The following HDAC9 variants were observed in gnomAD, a reference collection of about 807,000 sequenced individuals.
HDAC9 encodes the protein histone deacetylase 9.
In HDAC9, 41 loss-of-function variants were observed where a neutral mutation model predicts 139.4. The observed-to-expected ratio is 0.29, with a 90% CI of 0.23 to 0.38. The LOEUF (loss-of-function observed/expected upper bound fraction) is 0.38. HDAC9 is among the 10% of genes least tolerant of loss of function. HDAC9 has a pLI of 1.00. For missense variants in HDAC9, 1,147 were observed against 1,297.0 expected, an observed-to-expected ratio of 0.88 and a Z score of 1.78; for synonymous variants, 517 against 476.2, an observed-to-expected ratio of 1.09 and a Z score of -1.12.
chr7:18,521,002 C>G (rs891930418), intron 2 of HDAC9, among the ~76,000 whole-genome samples: 1 of 152,176 alleles, frequency 6.6e-6, no homozygotes, highest in African/African-American at 2.4e-5. Context: ...GGCAGTCCTC[C>G]TCTAACAGGC....
chr7:18,478,409 A>C (rs1795293650), intron 1 of HDAC9, among the ~76,000 whole-genome samples: 1 of 152,186 alleles, frequency 6.6e-6, no homozygotes, highest in African/African-American at 2.4e-5. Context: ...TGCATTTTCT[A>C]ATTCTGTGCT....
intron 2 of HDAC9, among the ~76,000 whole-genome samples, chr7:18,584,537 C>T (rs1828864515): frequency 1.3e-5 from 2 of 152,188 alleles, no homozygotes; most frequent in African/African-American, 2.4e-5. Flanking sequence ...ATTCTCAGAT[C>T]ATCAAATCTT....
At chr7:18,396,368 G>A (rs896472713) in intron 1 of HDAC9, among the ~76,000 whole-genome samples, 1 of 152,088 alleles carries the variant, frequency 6.6e-6, no homozygotes, top group African/African-American at 2.4e-5. Context: ...GGTATTGGCA[G>A]GATGCTGTAG....
intron 16 of HDAC9, among the ~76,000 whole-genome samples, chr7:18,787,836 A>G (rs1304027351): frequency 6.6e-6 from 1 of 152,230 alleles, no homozygotes; most frequent in African/African-American, 2.4e-5. Flanking sequence ...TCTCCCAATT[A>G]TAGTGATCCT....
chr7:18,732,322 T>C (rs1786132544), intron 13 of HDAC9, among the ~76,000 whole-genome samples: 2 of 152,118 alleles, frequency 1.3e-5, no homozygotes, highest in African/African-American at 4.8e-5. Flanking sequence ...TCTATTAAAA[T>C]ATGTTTATAC....
chr7:18,336,996 A>G (rs1781633560), intron 1 of HDAC9, among the ~76,000 whole-genome samples: 1 of 151,646 alleles, frequency 6.6e-6, no homozygotes, highest in Admixed American at 6.6e-5. Flanking sequence ...CTAGAAACAT[A>G]ATTTTTAATG....
chr7:18,095,636 G>A (rs1261516610), intron 1 of HDAC9, among the ~76,000 whole-genome samples: 2 of 152,124 alleles, frequency 1.3e-5, no homozygotes, highest in African/African-American at 2.4e-5. Context: ...TACAGTATGA[G>A]TGTGTTTATT....
intron 23 of HDAC9, among the ~76,000 whole-genome samples, chr7:18,950,294 T>C (rs1782701580): frequency 6.6e-6 from 1 of 152,118 alleles, no homozygotes; most frequent in Non-Finnish European, 1.5e-5. Context: ...TATAGAAATA[T>C]CTGCCTGCAT....
At chr7:18,871,561 T>C (rs962149629) in intron 21 of HDAC9, among the ~76,000 whole-genome samples, 1 of 152,198 alleles carries the variant, frequency 6.6e-6, no homozygotes, top group African/African-American at 2.4e-5. Flanking sequence ...CAGTGGGATA[T>C]TGGAAAAGAT....
At chr7:18,758,697 C>T (rs1423399563) in intron 14 of HDAC9, among the ~76,000 whole-genome samples, 1 of 152,078 alleles carries the variant, frequency 6.6e-6, no homozygotes, top group South Asian at 2.1e-4. Flanking sequence ...GAATTTTCAG[C>T]TTAATCATCC....
At chr7:18,541,663 A>G (rs1813009654) in intron 2 of HDAC9, among the ~76,000 whole-genome samples, 1 of 152,160 alleles carries the variant, frequency 6.6e-6, no homozygotes, top group Non-Finnish European at 1.5e-5. Flanking sequence ...CAGAAACAGG[A>G]ATTCTATATC....
At position 18,115,260 on chromosome 7, in the gene HDAC9, T is replaced by C. The variant is rs983594074; in HGVS notation, c.-97+28047T>C. On this transcript the variant is annotated intron_variant, in intron 1 of 12. Transcript: ENST00000417496. ...GTGAGCAGAGATTGTGCCACTGCAC[T>C]CCAGCCTAGGTGACAGAGCGAGACT... is the stretch of plus-strand genomic sequence containing the variant. Among the ~76,000 whole-genome samples, 4 of 149,036 alleles carry C rather than the reference T, an allele frequency of 2.7e-5. No homozygotes were observed. The South Asian group carries it at 6.4e-4, about 24-fold the overall frequency.
intron 22 of HDAC9, among the ~76,000 whole-genome samples, chr7:18,875,333 A>G (rs187175779): frequency 6.6e-6 from 1 of 152,306 alleles, no homozygotes; most frequent in African/African-American, 2.4e-5. Flanking sequence ...AAAATAGAAG[A>G]AAAAAGTAAA....
chr7:18,793,823 A>G lies in HDAC9; in HGVS notation c.2322+371A>G, dbSNP rs542410581. Reference sequence around the variant, plus strand: ...AAAATATGATTACTGAGAAGTGTGTATAAGCTCAGAATACCACCCAGAGAG... The same window carrying G: ...AAAATATGATTACTGAGAAGTGTGTGTAAGCTCAGAATACCACCCAGAGAG... On this transcript the variant is annotated intron_variant, in intron 17 of 25. Coordinates refer to ENST00000686413, the MANE Select transcript of HDAC9 (RefSeq NM_178425.4). Among the ~76,000 whole-genome samples the G allele has an allele frequency of 1.8e-4, 28 of 152,316 alleles. No homozygotes were observed. In the South Asian group the frequency reaches 5.2e-3, roughly 28 times the overall value.
intron 1 of HDAC9, among the ~76,000 whole-genome samples, chr7:18,478,378 T>C (rs1186085517): frequency 6.6e-6 from 1 of 152,236 alleles, no homozygotes; most frequent in African/African-American, 2.4e-5. Flanking sequence ...GCCAAAATAC[T>C]GTACTTTTAA....
At chr7:18,522,881 A>G (rs979168264) in intron 2 of HDAC9, among the ~76,000 whole-genome samples, 7 of 152,232 alleles carry the variant, frequency 4.6e-5, no homozygotes, top group Non-Finnish European at 7.3e-5. Context: ...GAGGCTGAAT[A>G]ACTTTAATTA....
chr7:18,463,564 G>T (rs369964180), intron 1 of HDAC9, among the ~76,000 whole-genome samples: 29 of 151,588 alleles, frequency 1.9e-4, no homozygotes, highest in Admixed American at 9.9e-4. Context: ...TGCATTATTT[G>T]TTTGAATTTA....
chr7:18,996,317 C>T lies in HDAC9; in HGVS notation c.*255C>T, dbSNP rs934530271. On this transcript the variant is annotated 3_prime_UTR_variant, in exon 26 of 26. Coordinates refer to ENST00000686413, the MANE Select transcript of HDAC9 (RefSeq NM_178425.4). Reference sequence around the variant, plus strand: ...CACGATTGGAAGAAACTGCTTCCAGCATGCTTTTAATATGCTGGGTGACCC... The same window carrying T: ...CACGATTGGAAGAAACTGCTTCCAGTATGCTTTTAATATGCTGGGTGACCC... 5.1e-6 allele frequency: 2 copies of T among 395,056 alleles called. No homozygotes were observed. The highest frequency in any genetic ancestry group is 1.0e-4 in the East Asian group (2 of 19,980). 24.5% of individuals were successfully genotyped at this position (395,056 alleles called of 1,614,324 possible). A position where few individuals can be genotyped will look rare whatever the true frequency, so the allele number is the denominator to read the frequency against.
intron 2 of HDAC9, among the ~76,000 whole-genome samples, chr7:18,165,197 C>G (rs2128129432): frequency 6.6e-6 from 1 of 152,218 alleles, no homozygotes; most frequent in South Asian, 2.1e-4. Context: ...CAAAACATGT[C>G]AGATAGTAAA....
Sources: allele counts gnomAD v4.1 joint callset (sites outside exome capture counted in the v4.1 genomes callset), GRCh38; gene constraint gnomAD v4.1.1; transcripts MANE v1.5; gene names NCBI Gene and HGNC (gene_info 2026-07-23, HGNC 2026-07-21).